METTL24: variants seen among roughly 807,000 people sequenced by gnomAD.
The protein encoded by METTL24 is probable methyltransferase-like protein 24.
Under a neutral mutation model 32.7 loss-of-function variants are expected in METTL24, and 29 were observed. That is an observed-to-expected ratio of 0.89 (90% CI 0.66 to 1.21). METTL24 has a LOEUF of 1.21. METTL24 is among the 50% of genes most tolerant of loss of function. METTL24 has a pLI of 0.00. For missense variants in METTL24, 439 were observed against 468.1 expected, an observed-to-expected ratio of 0.94 and a Z score of 0.57; for synonymous variants, 163 against 179.5, an observed-to-expected ratio of 0.91 and a Z score of 0.73.
intron 1 of METTL24, among the ~76,000 whole-genome samples, chr6:110,329,103 T>G (rs1444100697): frequency 1.3e-5 from 2 of 152,256 alleles, no homozygotes; most frequent in Non-Finnish European, 2.9e-5. Context: ...ATCAGTTTCT[T>G]TATCACAATA....
chr6:110,315,778 G>A (rs1771809272), intron 2 of METTL24, among the ~76,000 whole-genome samples: 1 of 152,172 alleles, frequency 6.6e-6, no homozygotes, highest in Admixed American at 6.5e-5. Flanking sequence ...AGCAAAAGGT[G>A]GGAGGAGCGG....
intron 1 of METTL24, among the ~76,000 whole-genome samples, chr6:110,351,594 CA>C (rs1402271901): frequency 4.6e-5 from 7 of 152,170 alleles, no homozygotes; most frequent in African/African-American, 1.4e-4. Flanking sequence ...AACCTAAGGG[CA>C]AAACTGCATA....
chr6:110,275,677 T>G (rs577354701), intron 4 of METTL24, among the ~76,000 whole-genome samples: 3 of 152,314 alleles, frequency 2.0e-5, no homozygotes, highest in Admixed American at 1.3e-4. Context: ...AGTTCCTGAC[T>G]GACAGGAGGC....
rs577182301 is a variant in METTL24 at position 110,295,959 on chromosome 6, C to T, written c.786+2963G>A. 7.9e-5 allele frequency among the ~76,000 whole-genome samples: 12 copies of T among 152,270 alleles called. No individual in the cohort carries two copies. The East Asian group carries it at 2.3e-3, about 29-fold the overall frequency. On this transcript the variant is annotated intron_variant, in intron 4 of 4. Transcript: ENST00000338882. ...GAGACTTTCACACTATGTTCTCAGA[C>T]CTACTTCTCAAAAAAAACCCACAAT... is the stretch of plus-strand genomic sequence containing the variant.
In METTL24 at chr6:110,316,351, G is replaced by A. The variant is rs1024084751; in HGVS notation, c.418-870C>T. 4.3e-4 allele frequency among the ~76,000 whole-genome samples: 66 copies of A among 152,160 alleles called. 1 individual carries two copies. Among genetic ancestry groups the A allele is most frequent in the African/African-American group, 1.5e-3 (61 of 41,448 alleles). The stretch of plus-strand genomic sequence containing the variant: ...CTTGTATTTGAGGCTAGTACATTTC[G>A]CACAGCTGAGGCTGTTGAAACCAAA... On this transcript the variant is annotated intron_variant, in intron 2 of 4. Transcript: ENST00000338882.
Position 110,244,821 on chromosome 6 carries a change from G to A in METTL24, c.*1125C>T, listed in dbSNP as rs910921277. 2.6e-5 allele frequency among the ~76,000 whole-genome samples: 4 copies of A among 152,120 alleles called. No individual in the cohort carries two copies. The highest frequency in any genetic ancestry group is 4.4e-5 in the Non-Finnish European group (3 of 68,022). The stretch of plus-strand genomic sequence containing the variant: ...TTCAAGATGAGATTTGGTTGGGGAC[G>A]TAGCCAAACCATATTACTCATGGAC... On this transcript the variant is annotated 3_prime_UTR_variant, in exon 5 of 5. Coordinates refer to ENST00000338882, the MANE Select transcript of METTL24 (RefSeq NM_001123364.3).
chr6:110,262,668 A>G (rs529294383), intron 4 of METTL24, among the ~76,000 whole-genome samples: 3 of 152,312 alleles, frequency 2.0e-5, no homozygotes, highest in East Asian at 3.9e-4. Flanking sequence ...ACAACAAAAA[A>G]AAGAGAATTT....
At chr6:110,275,923 G>A (rs550291041) in intron 4 of METTL24, among the ~76,000 whole-genome samples, 4 of 152,214 alleles carry the variant, frequency 2.6e-5, no homozygotes, top group African/African-American at 9.6e-5. Flanking sequence ...GGCAAAGAAG[G>A]CAAATGATCC....
intron 4 of METTL24, among the ~76,000 whole-genome samples, chr6:110,286,542 G>A (rs566650555): frequency 6.6e-6 from 1 of 152,340 alleles, no homozygotes; most frequent in South Asian, 2.1e-4. Flanking sequence ...GCCGCACACA[G>A]TCGTACAGCT....
In METTL24 at chr6:110,246,023, G is replaced by A. The variant is rs1447982948; in HGVS notation, c.1024C>T (p.Gln342Ter). The change falls in exon 5 of 5, where the codon CAG becomes TAG. Residue 342 changes from glutamine (Q) to a stop codon, truncating the protein, a stop_gained. Transcript: ENST00000338882. LOFTEE classifies it high-confidence loss of function. ...FHSYKDLSKP[Q>*]LFLKKDIFNA... is the part of the protein sequence containing the mutation. ...AAAATGTCTTTCTTCAAGAATAGCT[G>A]AGGTTTAGATAAGTCTTTGTAACTG... 2 of 1,614,156 alleles carry A rather than the reference G, an allele frequency of 1.2e-6. No individual in the cohort carries two copies. The highest frequency in any genetic ancestry group is 1.1e-5 in the South Asian group (1 of 91,084).
chr6:110,297,791 C>T (rs1213540400), intron 4 of METTL24, among the ~76,000 whole-genome samples: 1 of 152,170 alleles, frequency 6.6e-6, no homozygotes, highest in Non-Finnish European at 1.5e-5. Flanking sequence ...ACTAAGGCTC[C>T]TGACTATTAA....
intron 1 of METTL24, among the ~76,000 whole-genome samples, chr6:110,338,821 A>C (rs1772291174): frequency 6.6e-6 from 1 of 152,180 alleles, no homozygotes; most frequent in African/African-American, 2.4e-5. Context: ...ATAATATTGA[A>C]AGTTAGCTTT....
At chr6:110,321,442 G>A (rs956470295) in intron 2 of METTL24, among the ~76,000 whole-genome samples, 1 of 152,084 alleles carries the variant, frequency 6.6e-6, no homozygotes, top group African/African-American at 2.4e-5. Flanking sequence ...TTATTTTGGC[G>A]AGTGAAGCCC....
chr6:110,351,059 G>A (rs1158355307), intron 1 of METTL24, among the ~76,000 whole-genome samples: 1 of 152,078 alleles, frequency 6.6e-6, no homozygotes, highest in African/African-American at 2.4e-5. Flanking sequence ...AGTGAGCCGA[G>A]ATCGCGCCAC....
At chr6:110,281,417 T>A (rs956696624) in intron 4 of METTL24, among the ~76,000 whole-genome samples, 1 of 151,408 alleles carries the variant, frequency 6.6e-6, no homozygotes, top group Admixed American at 6.6e-5. Flanking sequence ...CCGAGGCGGG[T>A]GGATCATGAG....
intron 4 of METTL24, among the ~76,000 whole-genome samples, chr6:110,285,273 A>G (rs1158685069): frequency 6.6e-6 from 1 of 152,262 alleles, no homozygotes; most frequent in Non-Finnish European, 1.5e-5. Context: ...TTCAACTGCA[A>G]AACTGTTGAA....
At chr6:110,248,000 G>A (rs915046924) in intron 4 of METTL24, among the ~76,000 whole-genome samples, 2 of 152,098 alleles carry the variant, frequency 1.3e-5, no homozygotes, top group East Asian at 1.9e-4. Context: ...TGCTGTCCTC[G>A]AGATAGTGAG....
intron 3 of METTL24, among the ~76,000 whole-genome samples, chr6:110,309,905 C>T (rs1054272497): frequency 1.3e-5 from 2 of 151,868 alleles, no homozygotes; most frequent in African/African-American, 2.4e-5. Context: ...ACAAAAAACC[C>T]TTTCCTCTTT....
intron 3 of METTL24, among the ~76,000 whole-genome samples, chr6:110,299,705 A>C (rs1771486304): frequency 6.6e-6 from 1 of 152,220 alleles, no homozygotes; most frequent in African/African-American, 2.4e-5. Flanking sequence ...AAACTCAAGA[A>C]GCAGACGGTT....
Sources: gnomAD v4.1 joint callset for allele counts (sites outside exome capture counted in the v4.1 genomes callset) on GRCh38, gnomAD v4.1.1 for gene constraint, MANE v1.5 for transcripts, NCBI Gene and HGNC (gene_info 2026-07-23, HGNC 2026-07-21) for gene names.